CELF2: variants seen among roughly 807,000 people sequenced by gnomAD.
CELF2 encodes CUG triplet repeat RNA-binding protein 2.
A neutral mutation model predicts 62.6 loss-of-function variants in CELF2; 8 were observed. The ratio of observed to expected loss-of-function variants is 0.13; its 90% CI spans 0.07 to 0.23. The LOEUF is 0.23. Among genes scored for constraint, CELF2 ranks in the 10% least tolerant of loss-of-function variants. The pLI is 1.00. For missense variants in CELF2, 333 were observed against 671.0 expected, an observed-to-expected ratio of 0.50 and a Z score of 5.56; for synonymous variants, 258 against 250.0, an observed-to-expected ratio of 1.03 and a Z score of -0.30.
intron 1 of CELF2, among the ~76,000 whole-genome samples, chr10:10,845,544 A>G (rs2058960007): frequency 6.6e-6 from 1 of 152,182 alleles, no homozygotes; most frequent in Non-Finnish European, 1.5e-5. Context: ...AGAAAAAGAC[A>G]GTATCTGTGC....
chr10:10,841,630 T>A (rs1468091469), intron 1 of CELF2, among the ~76,000 whole-genome samples: 1 of 152,174 alleles, frequency 6.6e-6, no homozygotes, highest in Non-Finnish European at 1.5e-5. Context: ...TTATGTCTAT[T>A]CTTTTACTAA....
Position 11,321,895 on chromosome 10 carries a change from C to T in CELF2, c.1294+509C>T, listed in dbSNP as rs138015894. On this transcript the variant is annotated intron_variant, in intron 11 of 12. Coordinates refer to ENST00000633077, the MANE Select transcript of CELF2 (RefSeq NM_001326342.2). The surrounding 1 kb of genome is among the most constrained non-coding windows in gnomAD (Gnocchi z 6.2). ...CTTCTGAAGGGTTATGGCATCTCTG[C>T]AGATCTAAGTCCAGGAAAGTTGATC... Among the ~76,000 whole-genome samples the T allele has an allele frequency of 2.5e-3, 385 of 152,324 alleles. 1 individual carries two copies. The highest frequency in any genetic ancestry group is 8.6e-3 in the African/African-American group (358 of 41,564).
chr10:10,658,980 A>T, the CELF2 span, among the ~76,000 whole-genome samples: 1 of 152,214 alleles, frequency 6.6e-6, no homozygotes, highest in African/African-American at 2.4e-5. Context: ...TTGAACTCAT[A>T]AACAGATCTG....
intron 2 of CELF2, among the ~76,000 whole-genome samples, chr10:11,202,901 ATCTCTCTC>A (rs56373613): frequency 3.4e-3 from 242 of 70,946 alleles, no homozygotes; most frequent in African/African-American, 8.5e-3. Flanking sequence ...CCCCATCCTC[ATCTCTCTC>A]TCTCTCTCTC....
rs1352961842 is a variant in CELF2, at chr10:10,983,904, C to T, written c.89+63905C>T. Among the ~76,000 whole-genome samples the T allele has an allele frequency of 6.6e-6, 1 of 152,100 alleles. No individual in the cohort carries two copies. Among genetic ancestry groups the T allele is most frequent in the African/African-American group, 2.4e-5 (1 of 41,424 alleles). Reference sequence around the variant, plus strand: ...TAATGTAGGTTTTGAAGCTTGCCCTCGAGGATTTAAAAGACAGCATTGCAA... The same window carrying T: ...TAATGTAGGTTTTGAAGCTTGCCCTTGAGGATTTAAAAGACAGCATTGCAA... On this transcript the variant is annotated intron_variant, in intron 2 of 13. Transcript: ENST00000636488. The surrounding 1 kb of genome is among the most constrained non-coding windows in gnomAD (Gnocchi z 5.2).
Position 11,165,443 on chromosome 10 carries a change from A to C in CELF2, c.75-43A>C, listed in dbSNP as rs764656335. 3.2e-6 allele frequency: 5 copies of C among 1,570,736 alleles called. No individual in the cohort carries two copies. The highest frequency in any genetic ancestry group is 1.4e-5 in the African/African-American group (1 of 72,384). On this transcript the variant is annotated intron_variant, in intron 1 of 12. Transcript: ENST00000633077. The surrounding 1 kb of genome is among the most constrained non-coding windows in gnomAD (Gnocchi z 7.4). ...CCACTATTTTTTCTTCCTGTCCCTC[A>C]TCGTGCCGCCCTAACTCTGGCTCCC... is the stretch of plus-strand genomic sequence containing the variant.
chr10:10,729,941 C>G, the CELF2 span, among the ~76,000 whole-genome samples: 1 of 152,198 alleles, frequency 6.6e-6, no homozygotes, highest in African/African-American at 2.4e-5. Flanking sequence ...TATACATTAA[C>G]AGGTATTCTT....
In CELF2 at chr10:11,220,690, G is replaced by A. The variant is rs116228640; in HGVS notation, c.354+3183G>A. 0.059 allele frequency among the ~76,000 whole-genome samples: 8,997 copies of A among 152,302 alleles called. 363 individuals are homozygous for A. The highest frequency in any genetic ancestry group is 0.11 in the African/African-American group (4,740 of 41,556). The stretch of plus-strand genomic sequence containing the variant: ...AAATACAATGGCAGTCATAAAGGAA[G>A]CAAATTCAACAGCTCAACACAGAGC... On this transcript the variant is annotated intron_variant, in intron 3 of 12. Transcript: ENST00000633077. The surrounding 1 kb of genome is among the most constrained non-coding windows in gnomAD (Gnocchi z 4.4).
At chr10:11,063,668 TAAAC>T (rs1234002260) in intron 1 of CELF2, among the ~76,000 whole-genome samples, 1 of 152,226 alleles carries the variant, frequency 6.6e-6, no homozygotes. Context: ...TGTCTTTAAA[TAAAC>T]CCTTTTTTTG....
intron 1 of CELF2, among the ~76,000 whole-genome samples, chr10:10,868,741 AG>A (rs2060540078): frequency 6.6e-6 from 1 of 152,246 alleles, no homozygotes; most frequent in Admixed American, 6.5e-5. Context: ...TGTTGTTAAA[AG>A]AAAAAGGTAC....
the CELF2 span, among the ~76,000 whole-genome samples, chr10:10,717,857 G>A: frequency 6.6e-6 from 1 of 152,084 alleles, no homozygotes; most frequent in Non-Finnish European, 1.5e-5. Context: ...TAGTGTCTCT[G>A]TGGATATTAA....
chr10:10,660,767 C>G, the CELF2 span, among the ~76,000 whole-genome samples: 1 of 152,336 alleles, frequency 6.6e-6, no homozygotes, highest in South Asian at 2.1e-4. Flanking sequence ...CATCCAAAAG[C>G]ATGACCTATA....
At chr10:10,681,056 A>G in the CELF2 span, among the ~76,000 whole-genome samples, 1 of 152,184 alleles carries the variant, frequency 6.6e-6, no homozygotes, top group African/African-American at 2.4e-5. Flanking sequence ...TTTATTCTGT[A>G]TTGAATTAAT....
At chr10:10,864,618 T>C (rs2060242590) in intron 1 of CELF2, among the ~76,000 whole-genome samples, 1 of 152,182 alleles carries the variant, frequency 6.6e-6, no homozygotes, top group African/African-American at 2.4e-5. Context: ...GGAAGCGTTC[T>C]GGCTCAGGTC....
At chr10:10,544,371 A>G in the CELF2 span, among the ~76,000 whole-genome samples, 1 of 152,252 alleles carries the variant, frequency 6.6e-6, no homozygotes, top group Non-Finnish European at 1.5e-5. Context: ...CGGCAAGGGT[A>G]AGAGTGCATT....
chr10:10,698,513 A>C, the CELF2 span, among the ~76,000 whole-genome samples: 1 of 152,212 alleles, frequency 6.6e-6, no homozygotes, highest in Admixed American at 6.5e-5. Context: ...CATCTACAAA[A>C]TTACATATCC....
chr10:10,568,848 T>C, the CELF2 span, among the ~76,000 whole-genome samples: 1 of 152,148 alleles, frequency 6.6e-6, no homozygotes, highest in Non-Finnish European at 1.5e-5. Context: ...TATGGTGGAA[T>C]TGAAAGAGGT....
chr10:11,327,437 G>A (rs985813908), intron 12 of CELF2, among the ~76,000 whole-genome samples: 15 of 152,212 alleles, frequency 9.9e-5, no homozygotes, highest in Non-Finnish European at 1.5e-4. Flanking sequence ...AGTGTCAGCA[G>A]ACAATTCTTG....
Position 11,331,455 on chromosome 10 carries a change from A to ATCTGTT in CELF2, c.*2403_*2404insCTGTTT, listed in dbSNP as rs10701445. ...ATGTGTTTGTGTTCAGCAAAATGTG[A>ATCTGTT]TGTTTTTTTCTTTTAAAGAAAAAAA... On this transcript the variant is annotated 3_prime_UTR_variant, in exon 13 of 13. Transcript: ENST00000633077. 1 of 151,838 alleles carries ATCTGTT rather than the reference A, an allele frequency of 6.6e-6. No homozygotes were observed. Among genetic ancestry groups the ATCTGTT allele is most frequent in the Non-Finnish European group, 1.5e-5 (1 of 67,890 alleles). The allele number at this position is 151,838 out of a possible 1,614,324, so 9.4% of individuals were successfully genotyped here.
Sources: allele counts gnomAD v4.1 joint callset (sites outside exome capture counted in the v4.1 genomes callset), GRCh38; gene constraint gnomAD v4.1.1; non-coding constraint Gnocchi (gnomAD v3.1); transcripts MANE v1.5; gene names NCBI Gene and HGNC (gene_info 2026-07-23, HGNC 2026-07-21).